The following NCOA1 variants were observed in gnomAD, a reference collection of about 807,000 sequenced individuals.
NCOA1 encodes nuclear receptor coactivator 1.
NCOA1 carries 35 observed loss-of-function variants against 150.9 expected under a neutral mutation model. The ratio of observed to expected loss-of-function variants is 0.23; its 90% CI spans 0.18 to 0.31. The LOEUF is 0.31. Among genes scored for constraint, NCOA1 ranks in the 10% least tolerant of loss-of-function variants. The pLI, the probability that NCOA1 is intolerant of heterozygous loss-of-function variation, is 1.00. For missense variants in NCOA1, 1,491 were observed against 1,749.3 expected (o/e 0.85, Z 2.63); for synonymous variants, 590 against 630.0 (o/e 0.94, Z 0.95).
intron 1 of NCOA1, among the ~76,000 whole-genome samples, chr2:24,495,057 A>G (rs890369070): frequency 2.0e-5 from 3 of 146,950 alleles, no homozygotes; most frequent in African/African-American, 7.5e-5. Context: ...CTAGGTACCA[A>G]TGTTGGTTGC....
intron 3 of NCOA1, among the ~76,000 whole-genome samples, chr2:24,624,709 A>G (rs971104535): frequency 6.6e-6 from 1 of 152,240 alleles, no homozygotes; most frequent in Non-Finnish European, 1.5e-5. Flanking sequence ...GAAACAATAT[A>G]TACATATGCA....
At chr2:24,728,272 G>A in intron 15 of NCOA1, 36 bp from the exon 16 acceptor site, 1 of 1,561,190 alleles carries the variant, frequency 6.4e-7, no homozygotes. Flanking sequence ...TATTTGCTAT[G>A]TCAGTCTGAA....
intron 17 of NCOA1, among the ~76,000 whole-genome samples, chr2:24,732,136 G>GA (rs929420229): frequency 4.6e-5 from 7 of 151,368 alleles, no homozygotes; most frequent in Admixed American, 1.3e-4. Context: ...GCTTGATTCA[G>GA]AAAAAAAAAG....
chr2:24,763,399 TG>T (rs200761022), intron 22 of NCOA1, among the ~76,000 whole-genome samples: 1,692 of 151,004 alleles, frequency 0.011, 34 homozygotes, highest in African/African-American at 0.038. Context: ...ATTAGCCGGG[TG>T]AGGTGGCGGG....
chr2:24,682,085 A>G (rs1317047874), intron 7 of NCOA1, among the ~76,000 whole-genome samples: 1 of 152,222 alleles, frequency 6.6e-6, no homozygotes, highest in Non-Finnish European at 1.5e-5. Context: ...ATTTCGCCGT[A>G]GATAACCAGC....
intron 1 of NCOA1, among the ~76,000 whole-genome samples, chr2:24,552,578 G>T (rs900216437): frequency 6.6e-6 from 1 of 151,254 alleles, no homozygotes; most frequent in African/African-American, 2.4e-5. Flanking sequence ...TGTTAGCCAG[G>T]ATGGCCTTGA....
intron 3 of NCOA1, among the ~76,000 whole-genome samples, chr2:24,628,173 G>A (rs568430110): frequency 9.9e-5 from 15 of 152,192 alleles, no homozygotes; most frequent in African/African-American, 3.4e-4. Flanking sequence ...GGTGGCGGAC[G>A]CCTGTAACTC....
intron 3 of NCOA1, among the ~76,000 whole-genome samples, chr2:24,625,408 G>A (rs1488732943): frequency 6.7e-6 from 1 of 148,972 alleles, no homozygotes; most frequent in African/African-American, 2.4e-5. Flanking sequence ...GTGAGAATGT[G>A]TTCATGGCCA....
intron 20 of NCOA1, among the ~76,000 whole-genome samples, chr2:24,756,355 G>A (rs1466254654): frequency 6.6e-6 from 1 of 152,152 alleles, no homozygotes; most frequent in African/African-American, 2.4e-5. Flanking sequence ...AGACATTAAT[G>A]GTCCACAGGT....
chr2:24,569,024 C>G (rs887033171), intron 2 of NCOA1, among the ~76,000 whole-genome samples: 1 of 152,134 alleles, frequency 6.6e-6, no homozygotes, highest in African/African-American at 2.4e-5. Flanking sequence ...ACTATAGCTG[C>G]AGGAAATGGT....
intron 1 of NCOA1, among the ~76,000 whole-genome samples, chr2:24,518,800 A>G (rs1327983565): frequency 1.3e-5 from 2 of 152,230 alleles, no homozygotes; most frequent in African/African-American, 2.4e-5. Flanking sequence ...TGAAAATTAT[A>G]AAGTGTTCCC....
intron 8 of NCOA1, among the ~76,000 whole-genome samples, chr2:24,684,744 A>T (rs1299290730): frequency 6.6e-6 from 1 of 152,236 alleles, no homozygotes; most frequent in Non-Finnish European, 1.5e-5. Flanking sequence ...AAGCAAAGAT[A>T]GGGCAAGCTC....
intron 3 of NCOA1, among the ~76,000 whole-genome samples, chr2:24,642,383 T>C (rs1370212661): frequency 6.6e-6 from 1 of 151,168 alleles, no homozygotes; most frequent in Non-Finnish European, 1.5e-5. Flanking sequence ...TTCACATCTT[T>C]GTTAGGTGTT....
chr2:24,602,520 T>A (rs1668170361), intron 3 of NCOA1, among the ~76,000 whole-genome samples: 1 of 152,162 alleles, frequency 6.6e-6, no homozygotes, highest in Non-Finnish European at 1.5e-5. Context: ...TTTTAAAAAA[T>A]ACACTCTAAG....
intron 7 of NCOA1, among the ~76,000 whole-genome samples, chr2:24,677,410 G>T (rs368119576): frequency 6.6e-6 from 1 of 152,050 alleles, no homozygotes; most frequent in South Asian, 2.1e-4. Flanking sequence ...AGGAAAGAGG[G>T]ATGTTTTTGT....
chr2:24,762,607 G>C (rs1558348091), intron 21 of NCOA1, 80 bp from the exon 22 acceptor site: 3 of 1,225,774 alleles, frequency 2.4e-6, no homozygotes, highest in Non-Finnish European at 3.6e-6. Context: ...TTCTGTCAGT[G>C]AGATTGTTTT....
intron 22 of NCOA1, among the ~76,000 whole-genome samples, chr2:24,765,857 T>G (rs1572700586): frequency 6.6e-6 from 1 of 152,062 alleles, no homozygotes; most frequent in Non-Finnish European, 1.5e-5. Flanking sequence ...TTTTAGAGTT[T>G]GTTCAGTCTT....
chr2:24,509,329 C>T (rs1267673098), intron 1 of NCOA1, among the ~76,000 whole-genome samples: 2 of 152,202 alleles, frequency 1.3e-5, no homozygotes, highest in Admixed American at 1.3e-4. Flanking sequence ...CAGTCTTGTG[C>T]TCATAATCAC....
At chr2:24,523,839 T>C (rs1002546080) in intron 1 of NCOA1, among the ~76,000 whole-genome samples, 1 of 136,666 alleles carries the variant, frequency 7.3e-6, no homozygotes, top group Non-Finnish European at 1.5e-5. Context: ...GGCAGGAGAA[T>C]CGCTTGAACC....
Sources: gnomAD v4.1 joint callset for allele counts (sites outside exome capture counted in the v4.1 genomes callset) on GRCh38, gnomAD v4.1.1 for gene constraint, MANE v1.5 for transcripts, NCBI Gene and HGNC (gene_info 2026-07-23, HGNC 2026-07-21) for gene names.